Variants in L3MBTL4 observed in about 807,000 individuals in gnomAD.
L3MBTL4 encodes lethal(3)malignant brain tumor-like protein 4.
L3MBTL4 carries 70 observed loss-of-function variants against 84.5 expected under a neutral mutation model. The observed-to-expected ratio is 0.83, with a 90% CI of 0.68 to 1.01. The LOEUF (loss-of-function observed/expected upper bound fraction) is 1.01, where lower values mean the gene tolerates loss of function less well. Among genes scored for constraint, L3MBTL4 ranks in the 50% least tolerant of loss-of-function variants. The probability of loss-of-function intolerance (pLI) is 0.00; values close to 1 mark genes in which losing one functional copy is unlikely to be tolerated. For synonymous variants in L3MBTL4, 274 were observed against 259.8 expected, an observed-to-expected ratio of 1.05 and a Z score of -0.52; for missense variants, 715 against 754.8, an observed-to-expected ratio of 0.95 and a Z score of 0.62.
intron 18 of L3MBTL4, among the ~76,000 whole-genome samples, chr18:5,958,145 G>GAAC (rs2095243142): frequency 7.0e-5 from 5 of 71,118 alleles, no homozygotes; most frequent in South Asian, 5.0e-4. Context: ...AGAAGAAGAA[G>GAAC]AAGAAGAAGA....
chr18:6,046,289 C>T (rs544564224), intron 16 of L3MBTL4, among the ~76,000 whole-genome samples: 1 of 152,276 alleles, frequency 6.6e-6, no homozygotes, highest in East Asian at 1.9e-4. Flanking sequence ...AAGACTTACA[C>T]CATCCCACAA....
At chr18:6,095,444 G>C (rs1284622224) in intron 14 of L3MBTL4, among the ~76,000 whole-genome samples, 4 of 146,230 alleles carry the variant, frequency 2.7e-5, no homozygotes, top group Non-Finnish European at 5.9e-5. Context: ...TCCGCCTCCC[G>C]GGTTCACGCC....
chr18:6,246,271 G>C (rs1276377484), intron 5 of L3MBTL4, among the ~76,000 whole-genome samples: 1 of 152,126 alleles, frequency 6.6e-6, no homozygotes, highest in African/African-American at 2.4e-5. Context: ...TCTGTCAAAA[G>C]TGTTTTTCAA....
chr18:6,031,032 C>T (rs2055772972), intron 16 of L3MBTL4: 15 of 985,330 alleles, frequency 1.5e-5, no homozygotes, highest in Non-Finnish European at 1.7e-5. Context: ...TTTATAGTTG[C>T]TCTCTGGCTG....
chr18:6,194,978 G>A (rs1404422254), intron 12 of L3MBTL4, among the ~76,000 whole-genome samples: 1 of 152,218 alleles, frequency 6.6e-6, no homozygotes, highest in African/African-American at 2.4e-5. Flanking sequence ...AAGTGACCTT[G>A]AGCAACAGAC....
intron 14 of L3MBTL4, among the ~76,000 whole-genome samples, chr18:6,130,198 T>C (rs1196411186): frequency 6.6e-6 from 1 of 152,174 alleles, no homozygotes; most frequent in Non-Finnish European, 1.5e-5. Flanking sequence ...TCAGTCTGGA[T>C]GTCCAGTTCA....
chr18:6,041,806 C>T (rs2056413976), intron 16 of L3MBTL4, among the ~76,000 whole-genome samples: 1 of 152,092 alleles, frequency 6.6e-6, no homozygotes, highest in Non-Finnish European at 1.5e-5. Context: ...CTTACTACAG[C>T]CTGAACCTCC....
intron 4 of L3MBTL4, among the ~76,000 whole-genome samples, chr18:6,282,540 G>A (rs2049366536): frequency 6.6e-6 from 1 of 152,170 alleles, no homozygotes; most frequent in African/African-American, 2.4e-5. Context: ...TGTGGGAGCA[G>A]GAGGAAAGAA....
chr18:6,082,753 T>C (rs1373489803), intron 15 of L3MBTL4, among the ~76,000 whole-genome samples: 1 of 152,166 alleles, frequency 6.6e-6, no homozygotes, highest in African/African-American at 2.4e-5. Context: ...ATTTGTTGGG[T>C]GCTTTTTAAA....
At chr18:6,254,613 A>G (rs1019424230) in intron 5 of L3MBTL4, among the ~76,000 whole-genome samples, 2 of 152,150 alleles carry the variant, frequency 1.3e-5, no homozygotes, top group Non-Finnish European at 2.9e-5. Flanking sequence ...TTCTGAACTT[A>G]GAATCCTAAA....
intron 4 of L3MBTL4, among the ~76,000 whole-genome samples, chr18:6,283,729 C>T (rs1187523770): frequency 6.6e-6 from 1 of 152,122 alleles, no homozygotes; most frequent in Admixed American, 6.5e-5. Context: ...GATATATTAT[C>T]TATTACTCCC....
rs1474939545 is a variant in L3MBTL4 at position 6,414,036 on chromosome 18, T to C, written c.-91+765A>G. On this transcript the variant is annotated intron_variant, in intron 1 of 18. Transcript: ENST00000317931. The surrounding 1 kb of genome is among the most constrained non-coding windows in gnomAD (Gnocchi z 5.4). ...CGGCGCTGGCCCAGGTGTGCCCAGC[T>C]CGACTCGCGTCCACCTGGGACCAAG... The C allele has an allele frequency of 6.6e-6, 1 of 152,248 alleles. No individual in the cohort carries two copies. The highest frequency in any genetic ancestry group is 2.4e-5 in the African/African-American group (1 of 41,466). The allele number at this position is 152,248 out of a possible 1,614,324, so 9.4% of individuals were successfully genotyped here.
chr18:5,983,499 G>A (rs1460880220), intron 16 of L3MBTL4, among the ~76,000 whole-genome samples: 2 of 151,148 alleles, frequency 1.3e-5, no homozygotes, highest in South Asian at 2.1e-4. Context: ...GTGTGGGTGG[G>A]GATTAAAAAA....
Position 6,185,637 on chromosome 18 carries a change from G to A in L3MBTL4, c.982-13695C>T, listed in dbSNP as rs575641789. Among the ~76,000 whole-genome samples the A allele has an allele frequency of 4.6e-5, 7 of 152,246 alleles. No homozygotes were observed. The East Asian group carries it at 5.8e-4, about 13-fold the overall frequency. On this transcript the variant is annotated intron_variant, in intron 12 of 18. Transcript: ENST00000317931. The stretch of plus-strand genomic sequence containing the variant: ...AGGCCTCTACTAAAGTCTGTATGAT[G>A]TGCCTGCTGGTTCCTGCAGGACCCT...
chr18:6,054,381 G>T (rs1269747906), intron 16 of L3MBTL4, among the ~76,000 whole-genome samples: 1 of 151,972 alleles, frequency 6.6e-6, no homozygotes, highest in African/African-American at 2.4e-5. Context: ...TGGAGTCAGG[G>T]GTATGAAAGT....
intron 12 of L3MBTL4, among the ~76,000 whole-genome samples, chr18:6,193,695 G>A (rs1437512370): frequency 6.6e-6 from 1 of 152,206 alleles, no homozygotes; most frequent in Non-Finnish European, 1.5e-5. Flanking sequence ...AGCAGGTGGT[G>A]CCAGGCTGTG....
intron 16 of L3MBTL4, among the ~76,000 whole-genome samples, chr18:6,035,000 T>A (rs1883038474): frequency 6.6e-6 from 1 of 151,794 alleles, no homozygotes; most frequent in South Asian, 2.1e-4. Flanking sequence ...GGGTTGTTTG[T>A]TTTTTTCTTG....
intron 1 of L3MBTL4, among the ~76,000 whole-genome samples, chr18:6,315,891 T>C (rs993606599): frequency 2.0e-5 from 3 of 152,242 alleles, no homozygotes; most frequent in Admixed American, 1.3e-4. Flanking sequence ...AAAATATTAA[T>C]AGTTAATTAT....
At chr18:6,374,356 C>G (rs536488480) in intron 1 of L3MBTL4, 1 of 154,778 alleles carries the variant, frequency 6.5e-6, no homozygotes, top group Admixed American at 6.5e-5. Context: ...AAGCCTGGCA[C>G]GCTAGTGTTT....
Sources: gnomAD v4.1 joint callset for allele counts (sites outside exome capture counted in the v4.1 genomes callset) on GRCh38, gnomAD v4.1.1 for gene constraint, Gnocchi (gnomAD v3.1) non-coding constraint, MANE v1.5 for transcripts, NCBI Gene and HGNC (gene_info 2026-07-23, HGNC 2026-07-21) for gene names.